HEPHL1: variants seen among roughly 807,000 people sequenced by gnomAD.
The protein encoded by HEPHL1 is hephaestin like 1.
In HEPHL1, 123 loss-of-function variants were observed where a neutral mutation model predicts 122.0. The ratio of observed to expected loss-of-function variants is 1.01; its 90% CI spans 0.87 to 1.17. The LOEUF (loss-of-function observed/expected upper bound fraction) is 1.17. HEPHL1 is among the 50% of genes most tolerant of loss of function. The probability of loss-of-function intolerance (pLI) is 0.00; values close to 1 mark genes in which losing one functional copy is unlikely to be tolerated. For synonymous variants in HEPHL1, 527 were observed against 508.9 expected (o/e 1.04, Z -0.48); for missense variants, 1,452 against 1,430.5 (o/e 1.01, Z -0.24).
rs3058474 is a variant in HEPHL1, at chr11:94,031,331, T to TACACACACACAC, written c.170+9821_170+9832dup. ...TTGCATATGGGTAAATGTGCATTGT[T>TACACACACACAC]ACACACACACACACACACACACACA... On this transcript the variant is annotated intron_variant, in intron 1 of 19. Transcript: ENST00000315765. 1.6e-3 allele frequency among the ~76,000 whole-genome samples: 232 copies of TACACACACACAC among 144,596 alleles called. 3 individuals are homozygous for TACACACACACAC. Among genetic ancestry groups the TACACACACACAC allele is most frequent in the African/African-American group, 4.8e-3 (189 of 39,282 alleles). The allele number at this position is 144,596 out of a possible 152,430, so 94.9% of individuals were successfully genotyped here. A position where few individuals can be genotyped will look rare whatever the true frequency, so the allele number is the denominator to read the frequency against.
intron 10 of HEPHL1, among the ~76,000 whole-genome samples, chr11:94,084,021 A>C (rs1263928223): frequency 1.3e-5 from 2 of 152,206 alleles, no homozygotes; most frequent in Non-Finnish European, 2.9e-5. Context: ...AACTACTTTC[A>C]TATTTAGAAA....
intron 2 of HEPHL1, among the ~76,000 whole-genome samples, chr11:94,049,122 A>C (rs552246649): frequency 5.9e-5 from 1 of 16,824 alleles, no homozygotes; most frequent in Non-Finnish European, 5.6e-3. Context: ...CTCCATCTCA[A>C]AAGAAACAAA....
chr11:94,023,753 A>C (rs1046403597), intron 1 of HEPHL1, among the ~76,000 whole-genome samples: 2 of 152,192 alleles, frequency 1.3e-5, no homozygotes, highest in African/African-American at 2.4e-5. Flanking sequence ...AGTTTGTGTC[A>C]GACAGACTGC....
At chr11:94,100,619 CCTCTA>C (rs1282175527) in intron 13 of HEPHL1, among the ~76,000 whole-genome samples, 1 of 152,114 alleles carries the variant, frequency 6.6e-6, no homozygotes, top group Non-Finnish European at 1.5e-5. Context: ...ATTTTATTTC[CCTCTA>C]CTCTTTCAGA....
intron 12 of HEPHL1, among the ~76,000 whole-genome samples, chr11:94,089,259 G>A (rs1367669755): frequency 6.6e-6 from 1 of 152,198 alleles, no homozygotes; most frequent in Admixed American, 6.5e-5. Context: ...CAGATCACAT[G>A]GTTATAGTGG....
At chr11:94,044,619 A>G (rs1945816715) in intron 1 of HEPHL1, among the ~76,000 whole-genome samples, 1 of 151,992 alleles carries the variant, frequency 6.6e-6, no homozygotes, top group Admixed American at 6.6e-5. Context: ...TTCCCATTCC[A>G]TCTGCACTGC....
chr11:94,107,269 C>T (rs1252301136), intron 17 of HEPHL1, among the ~76,000 whole-genome samples: 1 of 152,168 alleles, frequency 6.6e-6, no homozygotes, highest in Non-Finnish European at 1.5e-5. Context: ...TATTAGCCTG[C>T]TATGATTAGA....
chr11:94,089,958 C>CA (rs1218707341), intron 12 of HEPHL1, among the ~76,000 whole-genome samples: 1 of 152,128 alleles, frequency 6.6e-6, no homozygotes, highest in African/African-American at 2.4e-5. Flanking sequence ...CCCCTCCCCT[C>CA]ACCTCATAGA....
intron 2 of HEPHL1, among the ~76,000 whole-genome samples, chr11:94,046,816 A>G (rs1945843719): frequency 6.6e-6 from 1 of 152,112 alleles, no homozygotes; most frequent in Non-Finnish European, 1.5e-5. Context: ...TTTTTTTTGA[A>G]TCCTGTATTT....
At chr11:94,064,096 C>A (rs898393492) in intron 3 of HEPHL1, among the ~76,000 whole-genome samples, 1 of 152,160 alleles carries the variant, frequency 6.6e-6, no homozygotes, top group African/African-American at 2.4e-5. Context: ...AAAATGGACT[C>A]CCTTTAGAGA....
In HEPHL1 at chr11:94,104,496, G is replaced by T. The variant is rs886317257; in HGVS notation, c.2683-32G>T. The T allele has an allele frequency of 4.9e-6, 7 of 1,425,004 alleles. No individual in the cohort carries two copies. The Admixed American group carries it at 6.9e-5, about 14-fold the overall frequency. The allele number at this position is 1,425,004 out of a possible 1,614,324, so 88.3% of individuals were successfully genotyped here. A position where few individuals can be genotyped will look rare whatever the true frequency, so the allele number is the denominator to read the frequency against. On this transcript the variant is annotated intron_variant, in intron 15 of 19. Transcript: ENST00000315765. ...TGAAATATTATTAAATTACTTAATG[G>T]CTCTTTTAACTCAGTTTATTTTTTC...
intron 1 of HEPHL1, among the ~76,000 whole-genome samples, chr11:94,029,607 A>T (rs1404300915): frequency 6.6e-6 from 1 of 152,224 alleles, no homozygotes; most frequent in African/African-American, 2.4e-5. Flanking sequence ...AATTTGGCAA[A>T]TGTTCCAAAT....
intron 1 of HEPHL1, among the ~76,000 whole-genome samples, chr11:94,021,758 C>T (rs1226129639): frequency 6.6e-6 from 1 of 152,124 alleles, no homozygotes; most frequent in East Asian, 1.9e-4. Flanking sequence ...TATTAATAGC[C>T]TTGCCTGTGA....
At chr11:94,086,240 A>C in intron 11 of HEPHL1, 51 bp downstream of exon 11, 1 of 1,371,378 alleles carries the variant, frequency 7.3e-7, no homozygotes, top group Non-Finnish European at 1.0e-6. Flanking sequence ...CTTCAGGCTC[A>C]TCCTCTTAGA....
chr11:94,093,767 C>A, intron 13 of HEPHL1, 127 bp downstream of exon 13: 1 of 1,037,848 alleles, frequency 9.6e-7, no homozygotes, highest in Non-Finnish European at 1.4e-6. Flanking sequence ...TGCATTCCTC[C>A]AAGTGTAATA....
chr11:94,110,016 A>G (rs1565364788), intron 17 of HEPHL1, among the ~76,000 whole-genome samples: 1 of 152,232 alleles, frequency 6.6e-6, no homozygotes, highest in Non-Finnish European at 1.5e-5. Context: ...ATATAGTGCT[A>G]TCCAGGTTAT....
intron 10 of HEPHL1, among the ~76,000 whole-genome samples, chr11:94,082,832 A>C (rs1946182598): frequency 6.6e-6 from 1 of 152,114 alleles, no homozygotes; most frequent in Non-Finnish European, 1.5e-5. Context: ...CACAGTGGCT[A>C]ACACCTGTAA....
intron 2 of HEPHL1, chr11:94,055,662 A>T: frequency 2.6e-6 from 1 of 391,470 alleles, no homozygotes; most frequent in Non-Finnish European, 5.0e-6. Context: ...TGAAGATGTG[A>T]GGAAGCTGGC....
chr11:94,101,126 C>A, intron 13 of HEPHL1, 69 bp from the exon 14 acceptor site: 3 of 1,525,430 alleles, frequency 2.0e-6, no homozygotes, highest in Non-Finnish European at 2.7e-6. Context: ...CTAACTACTG[C>A]CTATATTTAA....
Sources: gnomAD v4.1 joint callset for allele counts (sites outside exome capture counted in the v4.1 genomes callset) on GRCh38, gnomAD v4.1.1 for gene constraint, MANE v1.5 for transcripts, NCBI Gene and HGNC (gene_info 2026-07-23, HGNC 2026-07-21) for gene names.